The following CHST15 variants were observed in gnomAD, a reference collection of about 807,000 sequenced individuals.
CHST15 encodes the protein carbohydrate sulfotransferase 15.
In CHST15, 30 loss-of-function variants were observed where a neutral mutation model predicts 53.6. The ratio of observed to expected loss-of-function variants is 0.56; its 90% CI spans 0.42 to 0.76. CHST15 has a LOEUF of 0.76. Ranked by LOEUF, CHST15 falls within the 30% of genes least tolerant of loss-of-function variation. CHST15 has a pLI of 0.00. For missense variants in CHST15, 627 were observed against 740.5 expected, an observed-to-expected ratio of 0.85 and a Z score of 1.78; for synonymous variants, 296 against 289.8, an observed-to-expected ratio of 1.02 and a Z score of -0.22.
intron 1 of CHST15, among the ~76,000 whole-genome samples, chr10:124,075,485 T>C (rs7076370): frequency 6.6e-6 from 1 of 152,164 alleles, no homozygotes; most frequent in Admixed American, 6.5e-5. Flanking sequence ...ACATCTCCAG[T>C]GACCTCTGTA....
At position 124,010,038 on chromosome 10, in the gene CHST15, A is replaced by G. The variant is rs2133810105; in HGVS notation, c.*111T>C. 2 of 1,575,718 alleles carry G rather than the reference A, an allele frequency of 1.3e-6. No homozygotes were observed. The highest frequency in any genetic ancestry group is 8.6e-7 in the Non-Finnish European group (1 of 1,162,874). On this transcript the variant is annotated 3_prime_UTR_variant, in exon 8 of 8. Coordinates refer to ENST00000435907, the MANE Select transcript of CHST15 (RefSeq NM_001270764.2). The stretch of plus-strand genomic sequence containing the variant: ...AATTCATGTGTGCCTAGAGTGGCAG[A>G]GTCCTGGGGTTTTCCATACCATGAG...
At chr10:124,011,646 T>G in intron 7 of CHST15, 1 of 985,422 alleles carries the variant, frequency 1.0e-6, no homozygotes. Flanking sequence ...AGCACATGCC[T>G]CTGCCAGCCA....
chr10:124,034,707 A>G (rs1416644703), intron 5 of CHST15, among the ~76,000 whole-genome samples: 10 of 129,272 alleles, frequency 7.7e-5, no homozygotes, highest in African/African-American at 1.6e-4. Flanking sequence ...ACCCCCTAAC[A>G]GGGACCCCGG....
chr10:124,062,599 A>G (rs1304914780), intron 1 of CHST15, among the ~76,000 whole-genome samples: 1 of 152,122 alleles, frequency 6.6e-6, no homozygotes, highest in African/African-American at 2.4e-5. Flanking sequence ...CCAACTGCTC[A>G]ACAAACGGCA....
At chr10:124,086,431 G>T (rs936515045) in intron 1 of CHST15, among the ~76,000 whole-genome samples, 11 of 152,206 alleles carry the variant, frequency 7.2e-5, no homozygotes, top group African/African-American at 2.4e-4. Context: ...ACCATCCCAG[G>T]AATATGGAAG....
At position 124,046,249 on chromosome 10, in the gene CHST15, C is replaced by G; in HGVS notation, c.-37G>C. ...TGCCCTGGGCTGCTGGCTTACCGAG[C>G]CATGGGTGGGCCCCCCACGAGTCTG... is the stretch of plus-strand genomic sequence containing the variant. On this transcript the variant is annotated 5_prime_UTR_variant, in exon 2 of 8. Coordinates refer to ENST00000435907, the MANE Select transcript of CHST15 (RefSeq NM_001270764.2). 1 of 1,539,140 alleles carries G rather than the reference C, an allele frequency of 6.5e-7. No individual in the cohort carries two copies. Among genetic ancestry groups the G allele is most frequent in the Non-Finnish European group, 8.7e-7 (1 of 1,143,160 alleles).
chr10:124,078,224 G>A (rs1329490568), intron 1 of CHST15, among the ~76,000 whole-genome samples: 1 of 152,188 alleles, frequency 6.6e-6, no homozygotes, highest in East Asian at 1.9e-4. Flanking sequence ...GAGCCAAGGA[G>A]GGAGCCCGGC....
chr10:124,040,129 C>G (rs28719480), intron 4 of CHST15, among the ~76,000 whole-genome samples: 32,379 of 152,130 alleles, frequency 0.21, 3,888 homozygotes, highest in East Asian at 0.3. Flanking sequence ...AGTGAACTCT[C>G]TAGCTAAATT....
At chr10:124,076,998 C>T (rs994103993) in intron 1 of CHST15, among the ~76,000 whole-genome samples, 12 of 152,340 alleles carry the variant, frequency 7.9e-5, no homozygotes, top group African/African-American at 2.2e-4. Flanking sequence ...CGTGAGCCAC[C>T]GCGCCCGGCC....
rs572354198 is a variant in CHST15, at chr10:124,074,036, G to T, written c.-513+19433C>A. 1.3e-5 allele frequency among the ~76,000 whole-genome samples: 2 copies of T among 152,288 alleles called. No homozygotes were observed. The highest frequency in any genetic ancestry group is 4.1e-4 in the South Asian group (2 of 4,824). ...ACAGGGCAGGGGAGAGGTCTCAAAT[G>T]GGGGCTTTAAAAGAGATATTTTCCA... On this transcript the variant is annotated intron_variant, in intron 1 of 7. Coordinates refer to ENST00000435907, the MANE Select transcript of CHST15 (RefSeq NM_001270764.2). The surrounding 1 kb of genome is among the most constrained non-coding windows in gnomAD (Gnocchi z 4.4).
chr10:124,022,805 GCATTT>G (rs1470441358), intron 5 of CHST15, among the ~76,000 whole-genome samples: 13 of 146,896 alleles, frequency 8.8e-5, no homozygotes, highest in African/African-American at 2.8e-4. Flanking sequence ...CTGCTCCTTG[GCATTT>G]CTTTTTTTTT....
At chr10:124,063,963 T>TA (rs1005017927) in intron 1 of CHST15, among the ~76,000 whole-genome samples, 6 of 151,848 alleles carry the variant, frequency 4.0e-5, no homozygotes, top group South Asian at 2.1e-4. Flanking sequence ...AACATGATAA[T>TA]AAAAAAAACT....
intron 3 of CHST15, among the ~76,000 whole-genome samples, chr10:124,044,119 A>C (rs375246697): frequency 5.3e-5 from 8 of 150,210 alleles, no homozygotes; most frequent in South Asian, 4.3e-4. Context: ...GAGCAGAGGA[A>C]CGGCACAGAG....
chr10:124,049,689 C>T (rs142561109), intron 1 of CHST15, among the ~76,000 whole-genome samples: 4 of 152,214 alleles, frequency 2.6e-5, no homozygotes, highest in Non-Finnish European at 4.4e-5. Context: ...TCGCCCCATG[C>T]GTCTCATCTG....
rs1413824139 is a variant in CHST15 at position 124,017,248 on chromosome 10, G to A, written c.1347+4008C>T. Among the ~76,000 whole-genome samples, 8 of 152,124 alleles carry A rather than the reference G, an allele frequency of 5.3e-5. No homozygotes were observed. The East Asian group carries it at 1.5e-3, about 29-fold the overall frequency. ...CAGCTTAAGCCGCTTCCTCCTAGGA[G>A]TCCCCAGTGCAAAGCCCACACCTGC... On this transcript the variant is annotated intron_variant, in intron 6 of 7. Coordinates refer to ENST00000435907, the MANE Select transcript of CHST15 (RefSeq NM_001270764.2).
chr10:124,019,889 T>A lies in CHST15; in HGVS notation c.1347+1367A>T. 1 of 985,914 alleles carries A rather than the reference T, an allele frequency of 1.0e-6. No individual in the cohort carries two copies. The highest frequency in any genetic ancestry group is 1.2e-6 in the Non-Finnish European group (1 of 830,370). 61.1% of individuals were successfully genotyped at this position (985,914 alleles called of 1,614,324 possible). ...CTCCCACACCAGGCGGCTGGCTGCG[T>A]TCTGTATGGTAGGTGGTGCTGACCA... On this transcript the variant is annotated intron_variant, in intron 6 of 7. Transcript: ENST00000435907. The surrounding 1 kb of genome is among the most constrained non-coding windows in gnomAD (Gnocchi z 4.6).
chr10:124,062,483 C>T (rs560645300), intron 1 of CHST15, among the ~76,000 whole-genome samples: 3 of 152,288 alleles, frequency 2.0e-5, no homozygotes, highest in South Asian at 2.1e-4. Flanking sequence ...TGCCTCCCTT[C>T]GCTGATCTGT....
chr10:124,053,792 C>T lies in CHST15; in HGVS notation c.-512-7068G>A, dbSNP rs142595340. 8.0e-3 allele frequency among the ~76,000 whole-genome samples: 1,216 copies of T among 152,132 alleles called. 12 individuals are homozygous for T. The highest frequency in any genetic ancestry group is 0.023 in the African/African-American group (954 of 41,490). On this transcript the variant is annotated intron_variant, in intron 1 of 7. Transcript: ENST00000435907. ...AATTAGCTGGGTGTGGTGGTGCACA[C>T]CTGTAGTCCCAGCTACTTGGAAGGC...
chr10:124,043,616 A>C (rs1022663495), intron 3 of CHST15, among the ~76,000 whole-genome samples: 3 of 152,228 alleles, frequency 2.0e-5, no homozygotes, highest in African/African-American at 7.2e-5. Context: ...CTCCTGGCAC[A>C]AGGAAAAGGT....
Sources: gnomAD v4.1 joint callset for allele counts (sites outside exome capture counted in the v4.1 genomes callset) on GRCh38, gnomAD v4.1.1 for gene constraint, Gnocchi (gnomAD v3.1) non-coding constraint, MANE v1.5 for transcripts, NCBI Gene and HGNC (gene_info 2026-07-23, HGNC 2026-07-21) for gene names.